The following AGRN variants were observed in gnomAD, a reference collection of about 807,000 sequenced individuals.
AGRN encodes the protein agrin.
AGRN carries 106 observed loss-of-function variants against 211.0 expected under a neutral mutation model. The ratio of observed to expected loss-of-function variants is 0.50; its 90% confidence interval spans 0.43 to 0.59. The LOEUF (loss-of-function observed/expected upper bound fraction) is 0.59. Ranked by LOEUF, AGRN falls within the 20% of genes least tolerant of loss-of-function variation. The pLI is 0.00. For missense variants in AGRN, 3,040 were observed against 2,982.6 expected, an observed-to-expected ratio of 1.02 and a Z score of -0.45; for synonymous variants, 1,525 against 1,332.5, an observed-to-expected ratio of 1.14 and a Z score of -3.15.
Position 1,047,825 on chromosome 1 carries a change from C to G in AGRN, c.3681C>G (p.Ile1227Met), listed in dbSNP as rs559039879. Residue 1227 changes from isoleucine to methionine, a missense_variant, in exon 22 of 36, where the codon ATC (isoleucine) becomes ATG (methionine). Transcript: ENST00000379370. ...PDVARALLRQ[I>M]QVSRRRSLGV... The stretch of plus-strand genomic sequence containing the variant: ...TGGCCCGGGCCCTGCTCCGGCAGAT[C>G]CAGGTGTCCAGGCGCCGGTCCTTGG... The G allele has an allele frequency of 1.2e-6, 2 of 1,603,802 alleles. No individual in the cohort carries two copies. Among genetic ancestry groups the G allele is most frequent in the East Asian group, 2.3e-5 (1 of 44,426 alleles).
chr1:1,043,149 C>T lies in AGRN; in HGVS notation c.1385-90C>T, dbSNP rs879140838. On this transcript the variant is annotated intron_variant, in intron 7 of 35. Transcript: ENST00000379370. ...TCTCTCTTCCTCCACCATCCCCTCC[C>T]TGGAAGAGGGACTGCTGCGTGGGGC... 45 of 1,402,196 alleles carry T rather than the reference C, an allele frequency of 3.2e-5. No homozygotes were observed. The South Asian group carries it at 5.4e-4, about 17-fold the overall frequency. The allele number at this position is 1,402,196 out of a possible 1,614,324, so 86.9% of individuals were successfully genotyped here.
chr1:1,050,767 C>T lies in AGRN; in HGVS notation c.5183C>T (p.Ser1728Leu). The T allele has an allele frequency of 1.2e-6, 2 of 1,603,690 alleles. No homozygotes were observed. Among genetic ancestry groups the T allele is most frequent in the Non-Finnish European group, 8.5e-7 (1 of 1,177,906 alleles). The change falls in exon 30 of 36, where the codon TCA (serine) becomes TTA (leucine). Residue 1728 changes from serine to leucine, a missense_variant. Ser to Leu is a moderately radical substitution (Grantham distance 145). This residue lies in a region of AGRN where 1,537 missense variants were observed against 1,505.0 expected (regional missense o/e 1.02). Coordinates refer to ENST00000379370, the MANE Select transcript of AGRN (RefSeq NM_198576.4). ...ACCCTGGGAGCCTGGACCAGGGTCT[C>T]ACTGGAGCGAAACGGCCGCAAGGGT... Reference protein sequence around the residue: ...PVTLGAWTRVSLERNGRKGAL... With the variant: ...PVTLGAWTRVLLERNGRKGAL...
At chr1:1,047,107 A>C in intron 19 of AGRN, 150 bp downstream of exon 19, 1 of 1,402,322 alleles carries the variant, frequency 7.1e-7, no homozygotes. Flanking sequence ...CCCCACGCCT[A>C]ACCCGTCTCT....
Position 1,048,433 on chromosome 1 carries a change from T to A in AGRN, c.4105+68T>A. The A allele has an allele frequency of 5.1e-6, 6 of 1,171,032 alleles. No homozygotes were observed. The highest frequency in any genetic ancestry group is 7.0e-6 in the Non-Finnish European group (6 of 857,460). 72.5% of individuals were successfully genotyped at this position (1,171,032 alleles called of 1,614,324 possible). On this transcript the variant is annotated intron_variant, in intron 23 of 35. Coordinates refer to ENST00000379370, the MANE Select transcript of AGRN (RefSeq NM_198576.4). This position sits in a 1 kb window ranked among gnomAD's most constrained non-coding sequence, Gnocchi z 5.9. ...TGGGGGCAAGGATTGGGGGTGGGGCTAAGCCACCATCAGGCTTTGAGTTGG... is the reference window on the plus strand; with the variant it reads ...TGGGGGCAAGGATTGGGGGTGGGGCAAAGCCACCATCAGGCTTTGAGTTGG...
intron 17 of AGRN, 22 bp from the exon 18 acceptor site, chr1:1,046,375 G>C (rs199661282): frequency 1.3e-5 from 21 of 1,599,854 alleles, no homozygotes; most frequent in Non-Finnish European, 1.7e-5. Context: ...CGGTCCCCCC[G>C]CCAACCTCCC....
chr1:1,040,694 G>GC lies in AGRN; in HGVS notation c.543dup (p.Val182ArgfsTer137), dbSNP rs1425913203. 6.5e-7 allele frequency: 1 copy of GC among 1,547,570 alleles called. No homozygotes were observed. The highest frequency in any genetic ancestry group is 2.0e-5 in the Admixed American group (1 of 51,080). On this transcript the variant is annotated frameshift_variant, in exon 4 of 36. Transcript: ENST00000379370. LOFTEE classifies it high-confidence loss of function. ...CCGGGGAATGCTGTGCGGCTTCGGC[G>GC]CCGTGTGCGAGCCCAACGCGGAGGG...
chr1:1,035,178 G>A, intron 2 of AGRN, 99 bp from the exon 3 acceptor site: 1 of 1,229,844 alleles, frequency 8.1e-7, no homozygotes, highest in South Asian at 1.2e-5. Flanking sequence ...GTGGGGGGGG[G>A]GGGGTGGGCA....
At position 1,049,702 on chromosome 1, in the gene AGRN, C is replaced by CACCCCTGCCTGCCCA; in HGVS notation, c.4661_4675dup (p.Leu1554_Cys1558dup). The CACCCCTGCCTGCCCA allele has an allele frequency of 6.3e-7, 1 of 1,576,512 alleles. No individual in the cohort carries two copies. Among genetic ancestry groups the CACCCCTGCCTGCCCA allele is most frequent in the South Asian group, 1.1e-5 (1 of 87,086 alleles). On this transcript the variant is annotated inframe_insertion, in exon 26 of 36. Coordinates refer to ENST00000379370, the MANE Select transcript of AGRN (RefSeq NM_198576.4). Reference sequence around the variant, plus strand: ...CTCTGGCGTGGGCGAGTGCGGGGACCACCCCTGCCTGCCCAACCCCTGCCA... The same window carrying CACCCCTGCCTGCCCA: ...CTCTGGCGTGGGCGAGTGCGGGGACCACCCCTGCCTGCCCAACCCCTGCCTGCCCAACCCCTGCCA...
At chr1:1,051,676 C>T in intron 32 of AGRN, 31 bp downstream of exon 32, 1 of 1,612,892 alleles carries the variant, frequency 6.2e-7, no homozygotes, top group Non-Finnish European at 8.5e-7. Context: ...GGGGCGGAGG[C>T]CGGATGGGCC....
Position 1,045,353 on chromosome 1 carries a change from T to TTTCA in AGRN, c.2372-5_2372-2dup. 2 of 1,611,748 alleles carry TTTCA rather than the reference T, an allele frequency of 1.2e-6. No individual in the cohort carries two copies. Among genetic ancestry groups the TTTCA allele is most frequent in the Non-Finnish European group, 1.7e-6 (2 of 1,179,908 alleles). On this transcript the variant is annotated splice_polypyrimidine_tract_variant and splice_region_variant and intron_variant, in intron 13 of 35. Transcript: ENST00000379370. The stretch of plus-strand genomic sequence containing the variant: ...CACGTGACCTTGTCCTGCCCTGGCC[T>TTTCA]TTCAGGTGCCTGCCAGTGCAACCCC...
chr1:1,050,926 C>A, intron 30 of AGRN, 89 bp downstream of exon 30: 1 of 1,534,132 alleles, frequency 6.5e-7, no homozygotes, highest in Non-Finnish European at 8.8e-7. Context: ...GCTCACGGAG[C>A]TGTTTTTCTG....
chr1:1,023,542 T>C (rs1644456052), intron 2 of AGRN, among the ~76,000 whole-genome samples: 1 of 151,630 alleles, frequency 6.6e-6, no homozygotes, highest in Non-Finnish European at 1.5e-5. Context: ...GGGGAAAAGA[T>C]GGGGGCATCG....
chr1:1,020,179 G>A lies in AGRN; in HGVS notation c.7G>A (p.Gly3Ser), dbSNP rs1329485459. 4.5e-6 allele frequency: 6 copies of A among 1,334,708 alleles called. No homozygotes were observed. The highest frequency in any genetic ancestry group is 1.9e-5 in the South Asian group (1 of 53,996). The allele number at this position is 1,334,708 out of a possible 1,614,324, so 82.7% of individuals were successfully genotyped here. Residue 3 changes from glycine to serine, a missense_variant, in exon 1 of 36, where the codon GGC becomes AGC. Gly to Ser is a moderately conservative substitution (Grantham distance 56). Around this residue, in one of 3 missense-constraint regions of AGRN, gnomAD observed 1,498 missense variants for 1,457.8 expected, o/e 1.03. Transcript: ENST00000379370. ...GCCGCCTCTCGCCTGCGCCATGGCC[G>A]GCCGGTCCCACCCGGGCCCGCTGCG... MAGRSHPGPLRPL... is the reference protein window; with the variant it reads MASRSHPGPLRPL...
At chr1:1,021,650 C>G (rs796563436) in intron 1 of AGRN, among the ~76,000 whole-genome samples, 1 of 152,246 alleles carries the variant, frequency 6.6e-6, no homozygotes, top group East Asian at 1.9e-4. Flanking sequence ...GCCCCAGGAG[C>G]TGAGAAGGTG....
In AGRN at chr1:1,053,813, GC is replaced by G; in HGVS notation, c.5713del (p.Leu1905TrpfsTer26). ...LSLRTEATQG[L>X]VLWSGKATER... ...GCCTGCGCACTGAGGCCACGCAGGG[GC>G]TGGTGCTCTGGAGTGGCAAGGCCAC... On this transcript the variant is annotated frameshift_variant, in exon 34 of 36. Coordinates refer to ENST00000379370, the MANE Select transcript of AGRN (RefSeq NM_198576.4). LOFTEE classifies it high-confidence loss of function. The G allele has an allele frequency of 6.2e-7, 1 of 1,611,160 alleles. No individual in the cohort carries two copies. Among genetic ancestry groups the G allele is most frequent in the East Asian group, 2.2e-5 (1 of 44,820 alleles).
intron 2 of AGRN, among the ~76,000 whole-genome samples, chr1:1,028,404 G>T (rs901424451): frequency 2.6e-5 from 4 of 151,378 alleles, no homozygotes; most frequent in Admixed American, 2.6e-4. Flanking sequence ...CCTTGGTTGG[G>T]GTTGGGGGCA....
intron 7 of AGRN, 91 bp from the exon 8 acceptor site, chr1:1,043,148 C>G: frequency 7.2e-7 from 1 of 1,386,892 alleles, no homozygotes; most frequent in Non-Finnish European, 9.9e-7. Context: ...CCATCCCCTC[C>G]CTGGAAGAGG....
intron 30 of AGRN, 32 bp downstream of exon 30, chr1:1,050,869 C>A: frequency 6.5e-7 from 1 of 1,529,036 alleles, no homozygotes; most frequent in Non-Finnish European, 8.8e-7. Context: ...GGGACTCCCG[C>A]TGCTGCCTGC....
chr1:1,041,508 G>T lies in AGRN; in HGVS notation c.983G>T (p.Ser328Ile). The change falls in exon 6 of 36, where the codon AGC becomes ATC. Residue 328 changes from serine (S) to isoleucine (I), a missense_variant. Ser to Ile is a moderately radical substitution (Grantham distance 142, BLOSUM62 -2). Around this residue, in one of 3 missense-constraint regions of AGRN, gnomAD observed 1,498 missense variants for 1,457.8 expected, o/e 1.03. Coordinates refer to ENST00000379370, the MANE Select transcript of AGRN (RefSeq NM_198576.4). ...TGTCAGGGCGCCCTCCCTGACCCGA[G>T]CCGCAGCTGCCGTGTGAACCCGCGC... is the stretch of plus-strand genomic sequence containing the variant. The part of the protein sequence containing the change: ...DPCQGALPDP[S>I]RSCRVNPRTR... 1 of 1,599,354 alleles carries T rather than the reference G, an allele frequency of 6.3e-7. No homozygotes were observed. The highest frequency in any genetic ancestry group is 8.5e-7 in the Non-Finnish European group (1 of 1,178,388).
Sources: gnomAD v4.1 joint callset for allele counts (sites outside exome capture counted in the v4.1 genomes callset) on GRCh38, gnomAD v4.1.1 for gene constraint, gnomAD v4.1.1 regional missense constraint, Gnocchi (gnomAD v3.1) non-coding constraint, MANE v1.5 for transcripts, NCBI Gene and HGNC (gene_info 2026-07-23, HGNC 2026-07-21) for gene names.